ANKRD11: variants seen among roughly 807,000 people sequenced by gnomAD.
ANKRD11 encodes the protein ankyrin repeat domain-containing protein 11.
ANKRD11 carries 17 observed loss-of-function variants against 195.7 expected under a neutral mutation model. The ratio of observed to expected loss-of-function variants is 0.09; its 90% CI spans 0.06 to 0.13. ANKRD11 has a LOEUF of 0.13. Ranked by LOEUF, ANKRD11 falls within the 10% of genes least tolerant of loss-of-function variation. ANKRD11 has a pLI of 1.00. For synonymous variants in ANKRD11, 1,953 were observed against 1,528.1 expected (o/e 1.28, Z -6.49); for missense variants, 3,735 against 3,566.1 (o/e 1.05, Z -1.21).
rs373188518 is a variant in ANKRD11, at chr16:89,291,201, G to A, written c.227-18C>T. 1 of 1,612,180 alleles carries A rather than the reference G, an allele frequency of 6.2e-7. No individual in the cohort carries two copies. The highest frequency in any genetic ancestry group is 2.2e-5 in the East Asian group (1 of 44,876). On this transcript the variant is annotated intron_variant, in intron 4 of 12. Coordinates refer to ENST00000301030, the MANE Select transcript of ANKRD11 (RefSeq NM_013275.6). The surrounding 1 kb of genome is among the most constrained non-coding windows in gnomAD (Gnocchi z 5.3). ...CTGCTTCTCTGTGAGGCGGGCGAGG[G>A]AGAGAGGGAGGAGAGATTTCATGCC...
intron 2 of ANKRD11, among the ~76,000 whole-genome samples, chr16:89,367,513 C>T (rs568405610): frequency 3.5e-4 from 54 of 152,236 alleles, no homozygotes; most frequent in Non-Finnish European, 6.3e-4. Context: ...GTCACCCACG[C>T]TCCCTCTTAG....
At chr16:89,382,424 C>G (rs2040700424) in intron 2 of ANKRD11, among the ~76,000 whole-genome samples, 1 of 152,094 alleles carries the variant, frequency 6.6e-6, no homozygotes. Context: ...CTCCCAGGTT[C>G]AAGCAATTCT....
chr16:89,326,527 T>C (rs2037732107), intron 2 of ANKRD11, among the ~76,000 whole-genome samples: 1 of 152,098 alleles, frequency 6.6e-6, no homozygotes, highest in South Asian at 2.1e-4. Context: ...GGGGGGTCAT[T>C]TGGGCCCAAG....
chr16:89,268,707 G>A, intron 12 of ANKRD11, 44 bp from the exon 13 acceptor site: 2 of 1,552,874 alleles, frequency 1.3e-6, no homozygotes, highest in Non-Finnish European at 1.7e-6. Context: ...GGAGTGAAGG[G>A]AGAGCCCCAG....
chr16:89,348,873 TAAA>T (rs754111553), intron 2 of ANKRD11, among the ~76,000 whole-genome samples: 3 of 130,406 alleles, frequency 2.3e-5, no homozygotes, highest in Admixed American at 7.7e-5. Flanking sequence ...TTATTGTCTT[TAAA>T]AAAAAAAAAA....
rs1339141688 is a variant in ANKRD11, at chr16:89,274,808, C to T, written c.7713+6G>A. On this transcript the variant is annotated splice_donor_region_variant and intron_variant, in intron 11 of 12. Transcript: ENST00000301030. ...CTCATGGGCCTGGCATGCAGACGGG[C>T]CCTACCTGGCTCTCCAGGGGCATGT... is the stretch of plus-strand genomic sequence containing the variant. The T allele has an allele frequency of 6.2e-7, 1 of 1,609,168 alleles. No homozygotes were observed. Among genetic ancestry groups the T allele is most frequent in the Non-Finnish European group, 8.5e-7 (1 of 1,179,834 alleles).
At chr16:89,385,077 T>C (rs145611490) in intron 2 of ANKRD11, among the ~76,000 whole-genome samples, 1,545 of 151,800 alleles carry the variant, frequency 0.01, 21 homozygotes, top group African/African-American at 0.035. Flanking sequence ...GTAGAGACGA[T>C]ATTTCACCAT....
intron 11 of ANKRD11, chr16:89,272,689 A>G (rs2033268213): frequency 6.6e-6 from 1 of 152,250 alleles, no homozygotes; most frequent in African/African-American, 2.4e-5. Flanking sequence ...AAAAGGAATC[A>G]GTATATTGAA....
chr16:89,315,412 C>A (rs1324441082), intron 3 of ANKRD11, among the ~76,000 whole-genome samples: 1 of 152,154 alleles, frequency 6.6e-6, no homozygotes, highest in African/African-American at 2.4e-5. Flanking sequence ...CCTGCCCTTG[C>A]GCCTTTCTGC....
At chr16:89,345,872 G>A (rs1244321654) in intron 2 of ANKRD11, among the ~76,000 whole-genome samples, 1 of 152,126 alleles carries the variant, frequency 6.6e-6, no homozygotes, top group East Asian at 1.9e-4. Flanking sequence ...ACTATAATAT[G>A]GCAAAAAGTT....
chr16:89,341,408 C>T (rs1020688465), intron 2 of ANKRD11, among the ~76,000 whole-genome samples: 1 of 152,176 alleles, frequency 6.6e-6, no homozygotes, highest in South Asian at 2.1e-4. Context: ...GGATAAGGCC[C>T]CAACGTGAAC....
chr16:89,378,604 T>C (rs1478436717), intron 2 of ANKRD11, among the ~76,000 whole-genome samples: 1 of 152,192 alleles, frequency 6.6e-6, no homozygotes, highest in Non-Finnish European at 1.5e-5. Flanking sequence ...CTGGCCAGCA[T>C]GACTAGCAAG....
At chr16:89,469,286 A>G (rs2056990170) in intron 1 of ANKRD11, among the ~76,000 whole-genome samples, 1 of 152,090 alleles carries the variant, frequency 6.6e-6, no homozygotes, top group Non-Finnish European at 1.5e-5. Context: ...CTGTAGCGCA[A>G]TCTTGGCTCA....
At chr16:89,301,375 A>T in intron 4 of ANKRD11, 1 of 395,922 alleles carries the variant, frequency 2.5e-6, no homozygotes, top group Non-Finnish European at 4.4e-6. Context: ...GAATGCTTTC[A>T]GTGATAAGGC....
At chr16:89,395,919 T>C in intron 2 of ANKRD11, 1 of 152,184 alleles carries the variant, frequency 6.6e-6, no homozygotes, top group Non-Finnish European at 1.5e-5. Context: ...ATATCCTTCA[T>C]GACAAAACAA....
At chr16:89,371,738 T>TC (rs1337561083) in intron 2 of ANKRD11, among the ~76,000 whole-genome samples, 9 of 152,120 alleles carry the variant, frequency 5.9e-5, no homozygotes, top group Non-Finnish European at 5.9e-5. Context: ...CGATGCGGAC[T>TC]CCCTCCTGCA....
At chr16:89,376,471 T>A (rs916293897) in intron 2 of ANKRD11, among the ~76,000 whole-genome samples, 4 of 152,148 alleles carry the variant, frequency 2.6e-5, no homozygotes, top group Admixed American at 2.0e-4. Context: ...AGACTCTTGT[T>A]CCGTCACCCA....
intron 1 of ANKRD11, among the ~76,000 whole-genome samples, chr16:89,425,734 AT>A (rs1202303532): frequency 6.6e-6 from 1 of 152,030 alleles, no homozygotes; most frequent in Non-Finnish European, 1.5e-5. Flanking sequence ...GGTGCTATTC[AT>A]TTCGTTTTCT....
chr16:89,424,633 G>A (rs2042645390), intron 1 of ANKRD11, among the ~76,000 whole-genome samples: 2 of 152,028 alleles, frequency 1.3e-5, no homozygotes, highest in Admixed American at 1.3e-4. Context: ...AAGGCCAATC[G>A]AAAAGGTTAC....
Sources: allele counts gnomAD v4.1 joint callset (sites outside exome capture counted in the v4.1 genomes callset), GRCh38; gene constraint gnomAD v4.1.1; non-coding constraint Gnocchi (gnomAD v3.1); transcripts MANE v1.5; gene names NCBI Gene and HGNC (gene_info 2026-07-23, HGNC 2026-07-21).